GNG7: variants seen among roughly 807,000 people sequenced by gnomAD.
GNG7 encodes G protein subunit gamma 7, also known as guanine nucleotide-binding protein G(I)/G(S)/G(O) subunit gamma-7.
Under a neutral mutation model 4.0 loss-of-function variants are expected in GNG7, and 1 was observed. The observed-to-expected ratio is 0.25, with a 90% CI of 0.09 to 1.18. GNG7 has a LOEUF of 1.18. GNG7 is among the 50% of genes most tolerant of loss of function. The pLI, the probability that GNG7 is intolerant of heterozygous loss-of-function variation, is 0.50. For synonymous variants in GNG7, 34 were observed against 36.9 expected (o/e 0.92, Z 0.29); for missense variants, 86 against 91.9 (o/e 0.94, Z 0.26).
At chr19:2,522,472 AG>A (rs1003007862) in intron 3 of GNG7, among the ~76,000 whole-genome samples, 11 of 152,012 alleles carry the variant, frequency 7.2e-5, no homozygotes, top group African/African-American at 2.7e-4. Context: ...ATGCCTACTT[AG>A]TGATAAGAAG....
In GNG7 at chr19:2,514,457, G is replaced by T. The variant is rs1043619492; in HGVS notation, c.*565C>A. 6.5e-6 allele frequency: 1 copy of T among 153,466 alleles called. No individual in the cohort carries two copies. The highest frequency in any genetic ancestry group is 1.4e-5 in the Non-Finnish European group (1 of 69,094). The allele number at this position is 153,466 out of a possible 1,614,324, so 9.5% of individuals were successfully genotyped here. On this transcript the variant is annotated 3_prime_UTR_variant, in exon 5 of 5. Coordinates refer to ENST00000382159, the MANE Select transcript of GNG7 (RefSeq NM_052847.3). ...CAACCATCACAATCCGAGTTTAGCCGTATGGAGTAACAATTTTTTAAATAA... is the reference window on the plus strand; with the variant it reads ...CAACCATCACAATCCGAGTTTAGCCTTATGGAGTAACAATTTTTTAAATAA...
chr19:2,651,846 A>G (rs774605304), intron 1 of GNG7, among the ~76,000 whole-genome samples: 4 of 151,376 alleles, frequency 2.6e-5, no homozygotes, highest in Non-Finnish European at 5.9e-5. Flanking sequence ...GATGACACGC[A>G]TGAGCCACCG....
intron 3 of GNG7, among the ~76,000 whole-genome samples, chr19:2,537,654 C>G (rs780081546): frequency 6.6e-6 from 1 of 151,632 alleles, no homozygotes; most frequent in East Asian, 1.9e-4. Flanking sequence ...AAGCTGGAGG[C>G]GGGAAACTGG....
chr19:2,630,200 G>A (rs1432636569), intron 2 of GNG7, among the ~76,000 whole-genome samples: 2 of 152,032 alleles, frequency 1.3e-5, no homozygotes, highest in Non-Finnish European at 2.9e-5. Flanking sequence ...CTGCTGATTC[G>A]GTCCTGGCTG....
intron 3 of GNG7, among the ~76,000 whole-genome samples, chr19:2,530,132 G>A (rs771160551): frequency 2.2e-4 from 34 of 152,276 alleles, no homozygotes; most frequent in Non-Finnish European, 1.8e-4. Flanking sequence ...GCTGGACAGG[G>A]CCGGGTGCGG....
intron 2 of GNG7, among the ~76,000 whole-genome samples, chr19:2,575,726 C>T (rs1467561979): frequency 2.0e-5 from 2 of 99,496 alleles, no homozygotes; most frequent in Admixed American, 1.9e-4. Flanking sequence ...CACGCAGACA[C>T]GCAGGCACAC....
chr19:2,644,327 TTATATATATATATATATATATATATA>T lies in GNG7; in HGVS notation c.-78+1871_-78+1896del, dbSNP rs56143197. On this transcript the variant is annotated intron_variant, in intron 2 of 4. Transcript: ENST00000382159. ...TGAGCCACTGCACCCGGCCTACACT[TTATATATATATATATATATATATATA>T]TATATATATATATATATATATATAT... is the stretch of plus-strand genomic sequence containing the variant. Among the ~76,000 whole-genome samples the T allele has an allele frequency of 5.5e-3, 628 of 114,488 alleles. 17 individuals are homozygous for T. The highest frequency in any genetic ancestry group is 0.016 in the African/African-American group (482 of 30,118). The allele number at this position is 114,488 out of a possible 152,430, so 75.1% of individuals were successfully genotyped here. A position where few individuals can be genotyped will look rare whatever the true frequency, so the allele number is the denominator to read the frequency against.
chr19:2,602,191 G>A (rs1293128972), intron 2 of GNG7, among the ~76,000 whole-genome samples: 1 of 152,152 alleles, frequency 6.6e-6, no homozygotes, highest in African/African-American at 2.4e-5. Flanking sequence ...GCAAAAATTA[G>A]CCGGGCGTGG....
At chr19:2,645,329 C>T (rs1982637311) in intron 2 of GNG7, among the ~76,000 whole-genome samples, 1 of 151,296 alleles carries the variant, frequency 6.6e-6, no homozygotes, top group African/African-American at 2.4e-5. Context: ...ACCACCATCT[C>T]CCAGGCTCAA....
chr19:2,640,588 G>C (rs1982479589), intron 2 of GNG7, among the ~76,000 whole-genome samples: 9 of 152,082 alleles, frequency 5.9e-5, no homozygotes, highest in Admixed American at 5.9e-4. Flanking sequence ...GGAACTTAGG[G>C]GCTTGGCCTT....
rs1236893690 is a variant in GNG7, at chr19:2,557,030, CACAG to C, written c.-77-1846_-77-1843del. ...CCACCTCTACACACACACACGCACA[CACAG>C]ACACACGCACACTCACACACATATG... is the stretch of plus-strand genomic sequence containing the variant. On this transcript the variant is annotated intron_variant, in intron 2 of 4. Coordinates refer to ENST00000382159, the MANE Select transcript of GNG7 (RefSeq NM_052847.3). This position sits in a 1 kb window ranked among gnomAD's most constrained non-coding sequence, Gnocchi z 5.1. Among the ~76,000 whole-genome samples the C allele has an allele frequency of 2.7e-5, 4 of 150,506 alleles. No homozygotes were observed. The highest frequency in any genetic ancestry group is 9.9e-5 in the African/African-American group (4 of 40,338).
At chr19:2,616,238 A>G (rs1981720050) in intron 2 of GNG7, among the ~76,000 whole-genome samples, 1 of 151,942 alleles carries the variant, frequency 6.6e-6, no homozygotes, top group Non-Finnish European at 1.5e-5. Flanking sequence ...GTGAGACCCC[A>G]TCTCTAATTT....
chr19:2,665,479 G>A (rs992151060), intron 1 of GNG7, among the ~76,000 whole-genome samples: 5 of 151,426 alleles, frequency 3.3e-5, no homozygotes, highest in Admixed American at 3.3e-4. Context: ...GGCCATGCGG[G>A]ACAAAAAAAA....
At chr19:2,659,470 A>T (rs1356821407) in intron 1 of GNG7, among the ~76,000 whole-genome samples, 1 of 150,690 alleles carries the variant, frequency 6.6e-6, no homozygotes, top group African/African-American at 2.4e-5. Context: ...CTTGCCTGTA[A>T]TCCCAGCTAC....
rs117840102 is a variant in GNG7 at position 2,546,717 on chromosome 19, G to A, written c.-38+8432C>T. On this transcript the variant is annotated intron_variant, in intron 3 of 4. Coordinates refer to ENST00000382159, the MANE Select transcript of GNG7 (RefSeq NM_052847.3). This position sits in a 1 kb window ranked among gnomAD's most constrained non-coding sequence, Gnocchi z 6.3. ...AGAGGCCGCGACGACAGAGGGTGAC[G>A]CGCCGCCAGTGTGGGTTTGGTCGCC... is the stretch of plus-strand genomic sequence containing the variant. Among the ~76,000 whole-genome samples the A allele has an allele frequency of 0.036, 5,549 of 152,294 alleles. 141 individuals are homozygous for A. The highest frequency in any genetic ancestry group is 0.057 in the Non-Finnish European group (3,860 of 68,016).
intron 1 of GNG7, among the ~76,000 whole-genome samples, chr19:2,663,898 A>G (rs1220936150): frequency 6.6e-6 from 1 of 152,194 alleles, no homozygotes; most frequent in Non-Finnish European, 1.5e-5. Flanking sequence ...GGCACTGCAC[A>G]GTGCTGAGTA....
At position 2,567,140 on chromosome 19, in the gene GNG7, AAAC is replaced by A. The variant is rs1473034868; in HGVS notation, c.-77-11955_-77-11953del. 9.3e-4 allele frequency among the ~76,000 whole-genome samples: 129 copies of A among 139,398 alleles called. 2 individuals carry two copies. Among genetic ancestry groups the A allele is most frequent in the African/African-American group, 3.8e-3 (121 of 32,184 alleles). 91.5% of individuals were successfully genotyped at this position (139,398 alleles called of 152,430 possible). A position where few individuals can be genotyped will look rare whatever the true frequency, so the allele number is the denominator to read the frequency against. ...AAAAAAAACAAAAAAAACAAAAAAAAAACAAAAAAAAAAACACAAAAACAATAA... is the reference window on the plus strand; with the variant it reads ...AAAAAAAACAAAAAAAACAAAAAAAAAAAAAAAAAAACACAAAAACAATAA... On this transcript the variant is annotated intron_variant, in intron 2 of 4. Transcript: ENST00000382159.
At chr19:2,594,251 T>C (rs371346614) in intron 2 of GNG7, among the ~76,000 whole-genome samples, 8 of 152,046 alleles carry the variant, frequency 5.3e-5, no homozygotes, top group African/African-American at 1.9e-4. Context: ...TGGGCACCTG[T>C]AGTCCCAGCT....
At chr19:2,649,304 G>A (rs766198873) in intron 1 of GNG7, among the ~76,000 whole-genome samples, 25 of 151,684 alleles carry the variant, frequency 1.6e-4, no homozygotes, top group Non-Finnish European at 2.9e-4. Flanking sequence ...CCCTGCCAGC[G>A]ACACCGTACA....
Sources: gnomAD v4.1 joint callset for allele counts (sites outside exome capture counted in the v4.1 genomes callset) on GRCh38, gnomAD v4.1.1 for gene constraint, Gnocchi (gnomAD v3.1) non-coding constraint, MANE v1.5 for transcripts, NCBI Gene and HGNC (gene_info 2026-07-23, HGNC 2026-07-21) for gene names.